The following PPFIA2 variants were observed in gnomAD, a reference collection of about 807,000 sequenced individuals.
PPFIA2 encodes the protein liprin-alpha-2.
A neutral mutation model predicts 175.5 loss-of-function variants in PPFIA2; 46 were observed. The ratio of observed to expected loss-of-function variants is 0.26; its 90% CI spans 0.21 to 0.34. The LOEUF is 0.34. Ranked by LOEUF, PPFIA2 falls within the 10% of genes least tolerant of loss-of-function variation. The pLI, the probability that PPFIA2 is intolerant of heterozygous loss-of-function variation, is 1.00. For missense variants in PPFIA2, 1,179 were observed against 1,506.1 expected (o/e 0.78, Z 3.60); for synonymous variants, 568 against 511.4 (o/e 1.11, Z -1.49).
At chr12:81,514,065 G>T (rs980363850) in intron 4 of PPFIA2, among the ~76,000 whole-genome samples, 9 of 151,806 alleles carry the variant, frequency 5.9e-5, no homozygotes, top group African/African-American at 1.7e-4. Context: ...GATTGATTTG[G>T]AATTGTTACA....
intron 24 of PPFIA2, among the ~76,000 whole-genome samples, chr12:81,290,637 GATT>G (rs777796509): frequency 2.0e-5 from 3 of 151,670 alleles, no homozygotes; most frequent in Admixed American, 6.6e-5. Context: ...ATAAATACCA[GATT>G]AATAAGAATA....
chr12:81,388,642 T>C (rs2039479504), intron 8 of PPFIA2, among the ~76,000 whole-genome samples: 1 of 152,114 alleles, frequency 6.6e-6, no homozygotes, highest in Admixed American at 6.6e-5. Context: ...TGTATGTTAC[T>C]TGTACATTAA....
chr12:81,696,452 G>C (rs927531795), intron 3 of PPFIA2, among the ~76,000 whole-genome samples: 65 of 152,166 alleles, frequency 4.3e-4, no homozygotes, highest in African/African-American at 1.5e-3. Context: ...CCCAGTGAAG[G>C]GTGAGGAAAA....
intron 21 of PPFIA2, 86 bp downstream of exon 21, chr12:81,339,094 G>A (rs1255706817): frequency 5.1e-6 from 6 of 1,174,668 alleles, no homozygotes; most frequent in Admixed American, 5.7e-5. Context: ...GAAAAGAAGA[G>A]CAATGAAATG....
chr12:81,420,839 T>C (rs1438249195), intron 7 of PPFIA2, among the ~76,000 whole-genome samples: 1 of 150,596 alleles, frequency 6.6e-6, no homozygotes, highest in African/African-American at 2.4e-5. Flanking sequence ...CCAAATAAGA[T>C]CAACCCCAAA....
chr12:81,607,805 C>A (rs371872335), intron 4 of PPFIA2, among the ~76,000 whole-genome samples: 12 of 152,102 alleles, frequency 7.9e-5, no homozygotes, highest in East Asian at 7.7e-4. Flanking sequence ...TATTTGAATG[C>A]TCTGGCTAAG....
chr12:81,416,826 T>C (rs746447196), intron 7 of PPFIA2, among the ~76,000 whole-genome samples: 19 of 151,606 alleles, frequency 1.3e-4, no homozygotes, highest in Non-Finnish European at 2.5e-4. Flanking sequence ...AAAAGCAAAA[T>C]TAAAGATACT....
intron 9 of PPFIA2, among the ~76,000 whole-genome samples, chr12:81,379,029 T>C (rs934352688): frequency 6.6e-6 from 1 of 152,198 alleles, no homozygotes; most frequent in East Asian, 1.9e-4. Context: ...CACAATTAGA[T>C]GATCTCACTC....
chr12:81,305,633 C>G (rs550154142), intron 22 of PPFIA2, among the ~76,000 whole-genome samples: 2 of 152,236 alleles, frequency 1.3e-5, no homozygotes, highest in East Asian at 3.9e-4. Flanking sequence ...TTTTCTCTAT[C>G]CCTTGAGTGA....
At chr12:81,485,126 A>G (rs1396603060) in intron 4 of PPFIA2, among the ~76,000 whole-genome samples, 1 of 151,874 alleles carries the variant, frequency 6.6e-6, no homozygotes, top group Non-Finnish European at 1.5e-5. Flanking sequence ...AAGCCAGCCT[A>G]GTAAATGAGT....
chr12:81,264,963 C>T (rs758364752), intron 30 of PPFIA2, among the ~76,000 whole-genome samples: 2 of 150,988 alleles, frequency 1.3e-5, no homozygotes, highest in Non-Finnish European at 3.0e-5. Context: ...TAGAGCTACA[C>T]AACTCCTTAC....
intron 3 of PPFIA2, among the ~76,000 whole-genome samples, chr12:81,707,403 CA>C (rs1428947161): frequency 6.6e-6 from 1 of 151,950 alleles, no homozygotes; most frequent in East Asian, 1.9e-4. Context: ...TTTATGCAGC[CA>C]AAAAACACAT....
At chr12:81,584,454 G>A (rs1409492715) in intron 4 of PPFIA2, among the ~76,000 whole-genome samples, 7 of 151,664 alleles carry the variant, frequency 4.6e-5, no homozygotes, top group Admixed American at 2.0e-4. Flanking sequence ...CTTAAAAAGA[G>A]CAGAATAATA....
chr12:81,683,276 C>T (rs1156914786), intron 3 of PPFIA2, among the ~76,000 whole-genome samples: 1 of 151,998 alleles, frequency 6.6e-6, no homozygotes, highest in East Asian at 1.9e-4. Flanking sequence ...GACTACATCT[C>T]ATTACCTTCA....
chr12:81,300,104 G>A (rs556749138), intron 22 of PPFIA2, among the ~76,000 whole-genome samples: 1 of 152,090 alleles, frequency 6.6e-6, no homozygotes, highest in Non-Finnish European at 1.5e-5. Flanking sequence ...AAAGAACTCT[G>A]AAAAATGCAT....
chr12:81,614,563 T>C (rs1304811197), intron 4 of PPFIA2, among the ~76,000 whole-genome samples: 1 of 152,176 alleles, frequency 6.6e-6, no homozygotes, highest in Non-Finnish European at 1.5e-5. Context: ...TGGAGTAGAC[T>C]AACACAATGT....
intron 4 of PPFIA2, among the ~76,000 whole-genome samples, chr12:81,547,698 T>C (rs962863324): frequency 3.9e-5 from 6 of 152,156 alleles, no homozygotes; most frequent in African/African-American, 1.4e-4. Flanking sequence ...TGGGTGCAAG[T>C]CCACCATAAT....
chr12:81,383,085 C>T (rs552209016), intron 9 of PPFIA2, among the ~76,000 whole-genome samples: 1 of 152,126 alleles, frequency 6.6e-6, no homozygotes, highest in Admixed American at 6.6e-5. Flanking sequence ...GATTCAGTAA[C>T]ATGGAGGTCA....
intron 4 of PPFIA2, among the ~76,000 whole-genome samples, chr12:81,613,552 G>T (rs2061143910): frequency 6.6e-6 from 1 of 152,054 alleles, no homozygotes; most frequent in Non-Finnish European, 1.5e-5. Context: ...CGTCCATGTA[G>T]GTTCTATGAT....
Sources: gnomAD v4.1 joint callset for allele counts (sites outside exome capture counted in the v4.1 genomes callset) on GRCh38, gnomAD v4.1.1 for gene constraint, MANE v1.5 for transcripts, NCBI Gene and HGNC (gene_info 2026-07-23, HGNC 2026-07-21) for gene names.